Variants in ELMO1 observed in about 807,000 individuals in gnomAD.
ELMO1 encodes the protein engulfment and cell motility 1.
Under a neutral mutation model 98.9 loss-of-function variants are expected in ELMO1, and 26 were observed. The observed-to-expected ratio is 0.26, with a 90% CI of 0.19 to 0.36. The LOEUF (loss-of-function observed/expected upper bound fraction) is 0.36, where lower values mean the gene tolerates loss of function less well. Ranked by LOEUF, ELMO1 falls within the 10% of genes least tolerant of loss-of-function variation. ELMO1 has a pLI of 1.00. For synonymous variants in ELMO1, 346 were observed against 346.0 expected (o/e 1.00, Z 0.00); for missense variants, 627 against 935.2 (o/e 0.67, Z 4.30).
intron 1 of ELMO1, among the ~76,000 whole-genome samples, chr7:37,440,934 C>A (rs1448126538): frequency 1.3e-5 from 2 of 151,958 alleles, no homozygotes; most frequent in Admixed American, 1.3e-4. Flanking sequence ...TCCCAAGCCA[C>A]ATGCTTTCTG....
At chr7:37,442,617 T>C (rs1249888747) in intron 1 of ELMO1, among the ~76,000 whole-genome samples, 1 of 152,232 alleles carries the variant, frequency 6.6e-6, no homozygotes, top group African/African-American at 2.4e-5. Flanking sequence ...CTGATGGACA[T>C]ACTGTCCCTG....
At chr7:37,067,850 C>T (rs1048275296) in intron 15 of ELMO1, among the ~76,000 whole-genome samples, 3 of 151,998 alleles carry the variant, frequency 2.0e-5, no homozygotes, top group African/African-American at 4.8e-5. Flanking sequence ...AGGCTCTTCT[C>T]GGACTGGAGT....
intron 16 of ELMO1, among the ~76,000 whole-genome samples, chr7:36,952,468 T>C (rs1788048144): frequency 6.6e-6 from 1 of 152,140 alleles, no homozygotes; most frequent in South Asian, 2.1e-4. Flanking sequence ...TATCCAGCTG[T>C]GCAGCTTTAA....
intron 7 of ELMO1, among the ~76,000 whole-genome samples, chr7:37,239,789 TA>T (rs779743897): frequency 1.9e-4 from 29 of 152,304 alleles, no homozygotes; most frequent in Non-Finnish European, 3.2e-4. Flanking sequence ...CCATAATGGG[TA>T]GAAATGACCA....
In ELMO1 at chr7:37,191,188, C is replaced by CAAA. The variant is rs70975003; in HGVS notation, c.1086+20195_1086+20197dup. ...TGGGTAACAGAGCAAGACTCTGTCT[C>CAAA]AAAAAAAAAAAAAAAAAAGAAAGAA... On this transcript the variant is annotated intron_variant, in intron 13 of 21. Transcript: ENST00000310758. 2.0e-3 allele frequency among the ~76,000 whole-genome samples: 189 copies of CAAA among 94,020 alleles called. 1 individual carries two copies. The highest frequency in any genetic ancestry group is 7.6e-3 in the African/African-American group (159 of 20,868). 61.7% of individuals were successfully genotyped at this position (94,020 alleles called of 152,430 possible).
At chr7:36,977,423 A>C (rs1790650494) in intron 16 of ELMO1, among the ~76,000 whole-genome samples, 1 of 152,212 alleles carries the variant, frequency 6.6e-6, no homozygotes, top group Non-Finnish European at 1.5e-5. Flanking sequence ...ATCACCACAC[A>C]CAGTGGATAG....
chr7:36,995,957 A>C (rs780229849), intron 16 of ELMO1, among the ~76,000 whole-genome samples: 1 of 152,168 alleles, frequency 6.6e-6, no homozygotes. Context: ...CCTCACAAAC[A>C]GCTGGAAGCC....
chr7:37,347,535 ATTCTT>A (rs1801065457), intron 1 of ELMO1, among the ~76,000 whole-genome samples: 2 of 151,926 alleles, frequency 1.3e-5, no homozygotes, highest in Non-Finnish European at 2.9e-5. Context: ...TCTTATTCTT[ATTCTT>A]ATAATGAATA....
In ELMO1 at chr7:37,216,745, T is replaced by A. The variant is rs376112385; in HGVS notation, c.781-50A>T. On this transcript the variant is annotated intron_variant, in intron 10 of 21. Coordinates refer to ENST00000310758, the MANE Select transcript of ELMO1 (RefSeq NM_014800.11). ...CAAAGGCTTAGGTTAGAAAGCTACATTTCGACATGGCCAAAAATGACCTTA... is the reference window on the plus strand; with the variant it reads ...CAAAGGCTTAGGTTAGAAAGCTACAATTCGACATGGCCAAAAATGACCTTA... 6.3e-5 allele frequency: 101 copies of A among 1,609,034 alleles called. No homozygotes were observed. The African/African-American group carries it at 1.2e-3, about 20-fold the overall frequency.
At chr7:37,215,072 T>C (rs1038818777) in intron 11 of ELMO1, among the ~76,000 whole-genome samples, 1 of 152,182 alleles carries the variant, frequency 6.6e-6, no homozygotes, top group African/African-American at 2.4e-5. Flanking sequence ...AAAACCACAA[T>C]TGGACCTAGA....
chr7:37,244,539 C>T, intron 6 of ELMO1, 148 bp from the exon 7 acceptor site: 1 of 759,516 alleles, frequency 1.3e-6, no homozygotes, highest in Non-Finnish European at 2.1e-6. Flanking sequence ...TTCAAGACAT[C>T]ATTCAAAGTA....
intron 16 of ELMO1, among the ~76,000 whole-genome samples, chr7:36,917,027 A>C (rs1784739107): frequency 6.6e-6 from 1 of 152,248 alleles, no homozygotes; most frequent in Non-Finnish European, 1.5e-5. Flanking sequence ...ATTCAGTGAA[A>C]TCTGACTGAT....
chr7:37,256,517 A>G (rs570848448), intron 6 of ELMO1, among the ~76,000 whole-genome samples: 14 of 141,110 alleles, frequency 9.9e-5, no homozygotes, highest in Admixed American at 2.2e-4. Flanking sequence ...GAGGGAGGAG[A>G]AGGAGGAAGG....
chr7:37,235,696 GC>G (rs1794422423), intron 7 of ELMO1, among the ~76,000 whole-genome samples: 1 of 152,260 alleles, frequency 6.6e-6, no homozygotes, highest in Non-Finnish European at 1.5e-5. Flanking sequence ...ACTCTGGGAG[GC>G]TGAGGCAGGC....
intron 15 of ELMO1, among the ~76,000 whole-genome samples, chr7:37,025,515 T>C (rs1562905384): frequency 6.6e-6 from 1 of 152,146 alleles, no homozygotes; most frequent in Non-Finnish European, 1.5e-5. Context: ...CTTCCCAAGG[T>C]GTGTGGGTAA....
rs150794263 is a variant in ELMO1, at chr7:36,853,685, G to T, written c.*1866C>A. Among the ~76,000 whole-genome samples the T allele has an allele frequency of 2.0e-3, 300 of 152,312 alleles. No homozygotes were observed. Among genetic ancestry groups the T allele is most frequent in the African/African-American group, 6.9e-3 (287 of 41,564 alleles). On this transcript the variant is annotated 3_prime_UTR_variant, in exon 22 of 22. Coordinates refer to ENST00000310758, the MANE Select transcript of ELMO1 (RefSeq NM_014800.11). ...ATATCATCTCAACCCAGGTCAATCT[G>T]TAATTGCACATCCTGATGACGGTAA...
At chr7:37,366,425 T>G (rs889839376) in intron 1 of ELMO1, among the ~76,000 whole-genome samples, 34 of 152,188 alleles carry the variant, frequency 2.2e-4, no homozygotes, top group African/African-American at 8.2e-4. Flanking sequence ...CAGCAAATAT[T>G]GCTGTATAAT....
At chr7:37,236,406 GGTAA>G (rs1427570795) in intron 7 of ELMO1, among the ~76,000 whole-genome samples, 1 of 152,146 alleles carries the variant, frequency 6.6e-6, no homozygotes. Flanking sequence ...GGGAATGATT[GGTAA>G]GTGAGAGTAA....
intron 14 of ELMO1, among the ~76,000 whole-genome samples, chr7:37,131,723 A>G (rs1309853489): frequency 6.6e-6 from 1 of 152,182 alleles, no homozygotes; most frequent in East Asian, 1.9e-4. Flanking sequence ...TGGAAAAACA[A>G]TTTTCTTATG....
Sources: allele counts gnomAD v4.1 joint callset (sites outside exome capture counted in the v4.1 genomes callset), GRCh38; gene constraint gnomAD v4.1.1; transcripts MANE v1.5; gene names NCBI Gene and HGNC (gene_info 2026-07-23, HGNC 2026-07-21).